The following GALNT13 variants were observed in gnomAD, a reference collection of about 807,000 sequenced individuals.
GALNT13 encodes UDP-GalNAc:polypeptide N-acetylgalactosaminyltransferase 13.
GALNT13 carries 28 observed loss-of-function variants against 64.2 expected under a neutral mutation model. The ratio of observed to expected loss-of-function variants is 0.44; its 90% CI spans 0.32 to 0.60. The LOEUF (loss-of-function observed/expected upper bound fraction) is 0.60, where lower values mean the gene tolerates loss of function less well. GALNT13 is among the 20% of genes least tolerant of loss of function. GALNT13 has a pLI of 0.05. For missense variants in GALNT13, 577 were observed against 669.8 expected (o/e 0.86, Z 1.53); for synonymous variants, 214 against 224.6 (o/e 0.95, Z 0.42).
the GALNT13 span, among the ~76,000 whole-genome samples, chr2:153,850,005 C>CA: frequency 7.0e-3 from 594 of 84,670 alleles, 3 homozygotes; most frequent in African/African-American, 0.018. Flanking sequence ...ACTAAAAATA[C>CA]AAAAAAAAAA....
the GALNT13 span, among the ~76,000 whole-genome samples, chr2:153,604,159 G>A: frequency 1.3e-5 from 2 of 151,984 alleles, no homozygotes; most frequent in African/African-American, 4.8e-5. Context: ...TTCCACCATA[G>A]TCTCCTCCTG....
the GALNT13 span, among the ~76,000 whole-genome samples, chr2:153,265,741 T>G: frequency 6.6e-6 from 1 of 152,252 alleles, no homozygotes; most frequent in East Asian, 1.9e-4. Context: ...AGGCTTCTAT[T>G]CAGCTATTTT....
At chr2:153,854,447 G>A in the GALNT13 span, among the ~76,000 whole-genome samples, 1 of 151,850 alleles carries the variant, frequency 6.6e-6, no homozygotes, top group Admixed American at 6.6e-5. Context: ...CAGGCGTGGG[G>A]GTGCACACCT....
chr2:153,301,079 C>T, the GALNT13 span, among the ~76,000 whole-genome samples: 1 of 151,824 alleles, frequency 6.6e-6, no homozygotes, highest in Admixed American at 6.6e-5. Context: ...TGTGGTGGTG[C>T]ATGCCACTCA....
chr2:153,383,557 T>C, the GALNT13 span, among the ~76,000 whole-genome samples: 9 of 152,014 alleles, frequency 5.9e-5, no homozygotes, highest in Non-Finnish European at 7.4e-5. Context: ...GCAGCTTATA[T>C]TGGGGTTGAA....
chr2:153,597,342 G>A, the GALNT13 span, among the ~76,000 whole-genome samples: 1 of 152,110 alleles, frequency 6.6e-6, no homozygotes, highest in African/African-American at 2.4e-5. Flanking sequence ...TCTTTTAAAA[G>A]TATAAATCAT....
the GALNT13 span, among the ~76,000 whole-genome samples, chr2:153,772,291 G>A: frequency 9.2e-5 from 14 of 152,146 alleles, no homozygotes; most frequent in Non-Finnish European, 1.3e-4. Flanking sequence ...TCTGGGCATC[G>A]GAAAATGCCT....
the GALNT13 span, among the ~76,000 whole-genome samples, chr2:153,213,914 A>G: frequency 6.6e-6 from 1 of 152,204 alleles, no homozygotes; most frequent in African/African-American, 2.4e-5. Context: ...AAAGAGAAGA[A>G]TATACAACCC....
chr2:154,376,536 A>G (rs1350545873), intron 9 of GALNT13, among the ~76,000 whole-genome samples: 1 of 152,162 alleles, frequency 6.6e-6, no homozygotes, highest in Non-Finnish European at 1.5e-5. Flanking sequence ...AAAAGTACAC[A>G]GAGTACAACA....
the GALNT13 span, among the ~76,000 whole-genome samples, chr2:153,092,828 A>G: frequency 1.3e-5 from 2 of 152,036 alleles, no homozygotes; most frequent in African/African-American, 4.8e-5. Context: ...CCTCTCTTTC[A>G]CTTTTCTATT....
the GALNT13 span, among the ~76,000 whole-genome samples, chr2:153,114,327 AC>A: frequency 1.3e-5 from 2 of 151,996 alleles, no homozygotes; most frequent in Non-Finnish European, 2.9e-5. Flanking sequence ...TGAACAACCA[AC>A]CCCATGGTTT....
chr2:153,474,674 T>A, the GALNT13 span, among the ~76,000 whole-genome samples: 1 of 152,208 alleles, frequency 6.6e-6, no homozygotes, highest in Non-Finnish European at 1.5e-5. Context: ...CTGCCCAGCC[T>A]GAGATCCCAC....
At chr2:154,167,777 T>C (rs1260326666) in intron 4 of GALNT13, among the ~76,000 whole-genome samples, 1 of 151,996 alleles carries the variant, frequency 6.6e-6, no homozygotes, top group Non-Finnish European at 1.5e-5. Context: ...AGAGTCCTGA[T>C]AGAAAGGCAG....
At chr2:153,246,902 C>T in the GALNT13 span, among the ~76,000 whole-genome samples, 1 of 152,036 alleles carries the variant, frequency 6.6e-6, no homozygotes, top group African/African-American at 2.4e-5. Context: ...TCAAGAGACC[C>T]ATCTCACATG....
chr2:153,171,156 T>C, the GALNT13 span, among the ~76,000 whole-genome samples: 2 of 152,236 alleles, frequency 1.3e-5, no homozygotes, highest in Non-Finnish European at 2.9e-5. Context: ...AAGCCAATTA[T>C]GGTCGTCTCG....
At chr2:153,717,328 T>C in the GALNT13 span, among the ~76,000 whole-genome samples, 3 of 152,210 alleles carry the variant, frequency 2.0e-5, no homozygotes, top group Non-Finnish European at 4.4e-5. Flanking sequence ...TTAGTATTTT[T>C]TTAGACAATA....
chr2:154,144,856 T>C (rs547951047), intron 4 of GALNT13, among the ~76,000 whole-genome samples: 243 of 151,998 alleles, frequency 1.6e-3, no homozygotes, highest in African/African-American at 5.6e-3. Context: ...TAAATATTTA[T>C]AAAAATTTAC....
chr2:153,298,334 CCTT>C, the GALNT13 span, among the ~76,000 whole-genome samples: 2 of 152,128 alleles, frequency 1.3e-5, no homozygotes, highest in South Asian at 4.1e-4. Context: ...TATCAGGTCA[CCTT>C]CGTGACCGGA....
chr2:154,364,044 T>G (rs1380885896), intron 9 of GALNT13, among the ~76,000 whole-genome samples: 1 of 152,178 alleles, frequency 6.6e-6, no homozygotes, highest in Admixed American at 6.5e-5. Context: ...ACACAGGTTA[T>G]ATATATTGAA....
Sources: allele counts gnomAD v4.1 joint callset (sites outside exome capture counted in the v4.1 genomes callset), GRCh38; gene constraint gnomAD v4.1.1; transcripts MANE v1.5; gene names NCBI Gene and HGNC (gene_info 2026-07-23, HGNC 2026-07-21).